Variants in OGDH observed in about 807,000 individuals in gnomAD.
OGDH encodes oxoglutarate dehydrogenase, also known as 2-oxoglutarate dehydrogenase complex component E1.
In OGDH, 38 loss-of-function variants were observed where a neutral mutation model predicts 116.6. The observed-to-expected ratio is 0.33, with a 90% CI of 0.25 to 0.43. The LOEUF (loss-of-function observed/expected upper bound fraction) is 0.43. OGDH is among the 20% of genes least tolerant of loss of function. OGDH has a pLI of 1.00. For missense variants in OGDH, 825 were observed against 1,357.2 expected (o/e 0.61, Z 6.16); for synonymous variants, 488 against 533.3 (o/e 0.92, Z 1.17).
intron 20 of OGDH, among the ~76,000 whole-genome samples, chr7:44,704,830 C>T (rs1330770017): frequency 6.6e-6 from 1 of 151,724 alleles, no homozygotes; most frequent in Non-Finnish European, 1.5e-5. Flanking sequence ...CCTGCCTCAG[C>T]CTCCCAAGTA....
At chr7:44,706,050 C>A (rs532472761) in intron 20 of OGDH, among the ~76,000 whole-genome samples, 59 of 152,266 alleles carry the variant, frequency 3.9e-4, no homozygotes, top group African/African-American at 1.4e-3. Flanking sequence ...TAGAGTGATT[C>A]TCCCACCAAA....
In OGDH at chr7:44,708,838, CTT is replaced by C. The variant is rs1789201217; in HGVS notation, c.*841_*842del. 1.3e-5 allele frequency: 2 copies of C among 152,238 alleles called. No individual in the cohort carries two copies. Among genetic ancestry groups the C allele is most frequent in the Non-Finnish European group, 1.5e-5 (1 of 68,072 alleles). 9.4% of individuals were successfully genotyped at this position (152,238 alleles called of 1,614,324 possible). A position where few individuals can be genotyped will look rare whatever the true frequency, so the allele number is the denominator to read the frequency against. ...TCTTTCTCCTTTAACCCAATGGAGA[CTT>C]TCTGATGCATCGTTTTCTTTGCTGT... On this transcript the variant is annotated 3_prime_UTR_variant, in exon 23 of 23. Coordinates refer to ENST00000222673, the MANE Select transcript of OGDH (RefSeq NM_002541.4).
chr7:44,673,759 C>T, intron 5 of OGDH, 28 bp from the exon 6 acceptor site: 1 of 1,613,614 alleles, frequency 6.2e-7, no homozygotes, highest in Non-Finnish European at 8.5e-7. Context: ...TAGAAATCCC[C>T]TTGACTGTGT....
At chr7:44,700,069 T>G (rs1182849073) in intron 18 of OGDH, 72 bp from the exon 19 acceptor site, 1 of 1,527,256 alleles carries the variant, frequency 6.5e-7, no homozygotes, top group Non-Finnish European at 9.0e-7. Flanking sequence ...CTAGATCACC[T>G]GAGGGCCCCC....
chr7:44,700,359 G>T, intron 19 of OGDH, 90 bp downstream of exon 19: 5 of 1,533,172 alleles, frequency 3.3e-6, no homozygotes, highest in South Asian at 1.2e-5. Flanking sequence ...CTTGCTTGGG[G>T]TTAGCTAGGT....
At position 44,694,102 on chromosome 7, in the gene OGDH, A is replaced by G. The variant is rs1205692785; in HGVS notation, c.1515+98A>G. 2 of 1,322,094 alleles carry G rather than the reference A, an allele frequency of 1.5e-6. No homozygotes were observed. Among genetic ancestry groups the G allele is most frequent in the Non-Finnish European group, 2.1e-6 (2 of 968,728 alleles). 81.9% of individuals were successfully genotyped at this position (1,322,094 alleles called of 1,614,324 possible). A position where few individuals can be genotyped will look rare whatever the true frequency, so the allele number is the denominator to read the frequency against. The stretch of plus-strand genomic sequence containing the variant: ...GTCCCAAGGAGAGGAGCTTGTCTAG[A>G]TGAGTCACCTCAGGGCTCTCTACTG... On this transcript the variant is annotated intron_variant, in intron 11 of 22. Coordinates refer to ENST00000222673, the MANE Select transcript of OGDH (RefSeq NM_002541.4). The surrounding 1 kb of genome is among the most constrained non-coding windows in gnomAD (Gnocchi z 4.2).
chr7:44,618,720 C>T (rs553110330), intron 1 of OGDH, among the ~76,000 whole-genome samples: 1 of 152,266 alleles, frequency 6.6e-6, no homozygotes, highest in East Asian at 1.9e-4. Flanking sequence ...TTTTTCTCCC[C>T]AAGGGAGGCC....
intron 2 of OGDH, among the ~76,000 whole-genome samples, chr7:44,645,069 G>A (rs1163413694): frequency 6.6e-6 from 1 of 152,164 alleles, no homozygotes; most frequent in Non-Finnish European, 1.5e-5. Context: ...ATGGAAGGCG[G>A]CCACAGGGCA....
intron 10 of OGDH, among the ~76,000 whole-genome samples, chr7:44,693,569 A>T (rs1034304232): frequency 3.5e-4 from 53 of 152,366 alleles, no homozygotes; most frequent in African/African-American, 1.2e-3. Flanking sequence ...TTTACCCCAT[A>T]GCCTGTGGAA....
At chr7:44,663,235 T>A (rs1438668828) in intron 4 of OGDH, among the ~76,000 whole-genome samples, 2 of 152,224 alleles carry the variant, frequency 1.3e-5, no homozygotes, top group African/African-American at 2.4e-5. Context: ...TTTGATTTTT[T>A]AAAAAAATTC....
intron 1 of OGDH, among the ~76,000 whole-genome samples, chr7:44,614,736 T>C (rs1041053132): frequency 1.2e-4 from 18 of 152,160 alleles, no homozygotes; most frequent in Admixed American, 2.6e-4. Flanking sequence ...GATGCCTCTT[T>C]TAGAATCTTT....
chr7:44,629,725 G>A (rs540157063), intron 2 of OGDH, among the ~76,000 whole-genome samples: 12 of 151,734 alleles, frequency 7.9e-5, no homozygotes, highest in South Asian at 2.1e-4. Flanking sequence ...GATTACAGAC[G>A]TGCCCCATCA....
chr7:44,671,010 C>CAAAAAAA (rs111818473), intron 5 of OGDH, among the ~76,000 whole-genome samples: 1 of 68,594 alleles, frequency 1.5e-5, no homozygotes, highest in Non-Finnish European at 3.6e-5. Flanking sequence ...GACTCCATCT[C>CAAAAAAA]AAAAAAAAAA....
At position 44,697,394 on chromosome 7, in the gene OGDH, C is replaced by T; in HGVS notation, c.2076C>T (p.Asp692=). ...GCCACCGCCACCATGTGCTCCATGA[C>T]CAGAATGTGGACAAGAGAACCTGCA... ...TFSHRHHVLH[D]QNVDKRTCIP... is the part of the protein sequence containing the mutation. Residue 692 remains aspartate (D), a synonymous_variant, in exon 16 of 23, where the codon GAC becomes GAT. Coordinates refer to ENST00000222673, the MANE Select transcript of OGDH (RefSeq NM_002541.4). This position sits in a 1 kb window ranked among gnomAD's most constrained non-coding sequence, Gnocchi z 6.0. 1 of 1,614,214 alleles carries T rather than the reference C, an allele frequency of 6.2e-7. No individual in the cohort carries two copies. The highest frequency in any genetic ancestry group is 1.1e-5 in the South Asian group (1 of 91,090).
chr7:44,701,637 A>G (rs868010077), intron 20 of OGDH, 22 bp downstream of exon 20: 2 of 1,610,288 alleles, frequency 1.2e-6, no homozygotes, highest in African/African-American at 2.7e-5. Context: ...GGAGATGGGC[A>G]TTTCCTTGGG....
intron 18 of OGDH, 106 bp from the exon 19 acceptor site, chr7:44,700,035 T>A: frequency 8.2e-7 from 1 of 1,222,750 alleles, no homozygotes. Context: ...CAACATGAGA[T>A]TTGGGCAGGG....
At chr7:44,695,163 T>C (rs912922117) in intron 12 of OGDH, among the ~76,000 whole-genome samples, 3 of 152,154 alleles carry the variant, frequency 2.0e-5, no homozygotes, top group African/African-American at 7.2e-5. Context: ...TGGCATGATC[T>C]TAGCTCACTG....
At chr7:44,647,892 C>T (rs1402440832) in intron 4 of OGDH, 133 bp downstream of exon 4, 3 of 650,442 alleles carry the variant, frequency 4.6e-6, no homozygotes, top group South Asian at 1.9e-5. Flanking sequence ...TGAAATTTAT[C>T]GGTATTGTAG....
rs189316212 is a variant in OGDH, at chr7:44,698,521, G to A, written c.2430+258G>A. ...CTGCTGTTGCTGCAAGCACAGAAACGCCATGTGAGCTCCTCAGCAAGGGCT... is the reference window on the plus strand; with the variant it reads ...CTGCTGTTGCTGCAAGCACAGAAACACCATGTGAGCTCCTCAGCAAGGGCT... On this transcript the variant is annotated intron_variant, in intron 18 of 22. Transcript: ENST00000222673. 3.0e-3 allele frequency among the ~76,000 whole-genome samples: 454 copies of A among 152,150 alleles called. 3 individuals are homozygous for A. The highest frequency in any genetic ancestry group is 9.2e-3 in the African/African-American group (383 of 41,510).
Sources: gnomAD v4.1 joint callset for allele counts (sites outside exome capture counted in the v4.1 genomes callset) on GRCh38, gnomAD v4.1.1 for gene constraint, Gnocchi (gnomAD v3.1) non-coding constraint, MANE v1.5 for transcripts, NCBI Gene and HGNC (gene_info 2026-07-23, HGNC 2026-07-21) for gene names.